Variants in NHSL2 observed in about 807,000 individuals in gnomAD.
The protein encoded by NHSL2 is NHS-like protein 2.
A neutral mutation model predicts 53.4 loss-of-function variants in NHSL2; 27 were observed. The observed-to-expected ratio is 0.51, with a 90% CI of 0.37 to 0.70. The LOEUF (loss-of-function observed/expected upper bound fraction) is 0.70, where lower values mean the gene tolerates loss of function less well. Among genes scored for constraint, NHSL2 ranks in the 30% least tolerant of loss-of-function variants. The probability of loss-of-function intolerance (pLI) is 0.00; values close to 1 mark genes in which losing one functional copy is unlikely to be tolerated. For synonymous variants in NHSL2, 408 were observed against 404.1 expected, an observed-to-expected ratio of 1.01 and a Z score of -0.12; for missense variants, 892 against 980.1, an observed-to-expected ratio of 0.91 and a Z score of 1.20.
In NHSL2 at chrX:72,143,475, C is replaced by T. The variant is rs1343967071; in HGVS notation, c.3579C>T (p.Pro1193=). 1.7e-6 allele frequency: 2 copies of T among 1,166,027 alleles called. No homozygotes were observed. The highest frequency in any genetic ancestry group is 1.9e-5 in the South Asian group (1 of 52,701). ...KGSKATPRSR[P]SAAELLKTTN... ...GTAAGGCAACTCCAAGGTCTCGTCCCTCAGCAGCTGAACTTCTGAAGACCA... is the reference window on the plus strand; with the variant it reads ...GTAAGGCAACTCCAAGGTCTCGTCCTTCAGCAGCTGAACTTCTGAAGACCA... Residue 1193 remains proline, a synonymous_variant, in exon 8 of 8, where the codon CCC becomes CCT. Coordinates refer to ENST00000633930, the MANE Select transcript of NHSL2 (RefSeq NM_001013627.3).
chrX:72,025,977 A>C (rs1022964419), intron 1 of NHSL2, among the ~76,000 whole-genome samples: 1 of 112,479 alleles, frequency 8.9e-6, no homozygotes, highest in African/African-American at 3.2e-5. Flanking sequence ...GATTCAGTGA[A>C]GTAATACACA....
intron 1 of NHSL2, among the ~76,000 whole-genome samples, chrX:72,013,247 A>G (rs1159972451): frequency 8.9e-6 from 1 of 112,005 alleles, no homozygotes; most frequent in Non-Finnish European, 1.9e-5. Context: ...TATAAGCGCT[A>G]TACATATCTT....
Position 72,147,987 on chromosome X carries a change from A to C in NHSL2, c.*4413A>C, listed in dbSNP as rs1001221768. 1 of 111,812 alleles carries C rather than the reference A, an allele frequency of 8.9e-6. No homozygotes were observed. The highest frequency in any genetic ancestry group is 1.9e-5 in the Non-Finnish European group (1 of 53,206). 9.2% of individuals were successfully genotyped at this position (111,812 alleles called of 1,213,427 possible). A position where few individuals can be genotyped will look rare whatever the true frequency, so the allele number is the denominator to read the frequency against. On this transcript the variant is annotated 3_prime_UTR_variant, in exon 8 of 8. Transcript: ENST00000633930. ...CAAATTCCCTGACGCCTAACTCCAG[A>C]ATATAGAAAATATCTTAATCGCCTG...
At chrX:72,020,188 AT>A (rs2042153535) in intron 1 of NHSL2, among the ~76,000 whole-genome samples, 2 of 112,708 alleles carry the variant, frequency 1.8e-5, no homozygotes, top group East Asian at 5.6e-4. Flanking sequence ...ACTCTCCGTA[AT>A]TTCACTACCT....
At chrX:72,085,081 T>C (rs1197718861) in intron 1 of NHSL2, among the ~76,000 whole-genome samples, 1 of 111,781 alleles carries the variant, frequency 8.9e-6, no homozygotes. Context: ...TTATGACCCT[T>C]CTAACAACCC....
At position 72,151,524 on chromosome X, in the gene NHSL2, A is replaced by G. The variant is rs1157159453; in HGVS notation, c.*7950A>G. ...ACAGGAGCAGGTGGAGGGGGGCTGC[A>G]TATGCCAACCATTACTCTTCAATAG... On this transcript the variant is annotated 3_prime_UTR_variant, in exon 8 of 8. Transcript: ENST00000633930. 1 of 111,891 alleles carries G rather than the reference A, an allele frequency of 8.9e-6. No individual in the cohort carries two copies. The highest frequency in any genetic ancestry group is 1.9e-5 in the Non-Finnish European group (1 of 53,183). 9.2% of individuals were successfully genotyped at this position (111,891 alleles called of 1,213,427 possible). A position where few individuals can be genotyped will look rare whatever the true frequency, so the allele number is the denominator to read the frequency against.
Position 72,143,442 on chromosome X carries a change from G to A in NHSL2, c.3546G>A (p.Lys1182=). Residue 1182 remains lysine (K), a synonymous_variant, in exon 8 of 8, where the codon AAG becomes AAA. Transcript: ENST00000633930. ...RNDDFKALLQ[K]KGSKATPRSR... ...ACGATTTCAAGGCCTTGCTACAGAAGAAGGGAAGTAAGGCAACTCCAAGGT... is the reference window on the plus strand; with the variant it reads ...ACGATTTCAAGGCCTTGCTACAGAAAAAGGGAAGTAAGGCAACTCCAAGGT... 2 of 1,167,285 alleles carry A rather than the reference G, an allele frequency of 1.7e-6. No individual in the cohort carries two copies. The highest frequency in any genetic ancestry group is 1.9e-5 in the South Asian group (1 of 52,726).
chrX:71,936,977 T>C (rs2041741819), intron 1 of NHSL2, among the ~76,000 whole-genome samples: 1 of 111,692 alleles, frequency 9.0e-6, no homozygotes, highest in South Asian at 3.8e-4. Flanking sequence ...AGTATTATTG[T>C]TCCTATTTTA....
In NHSL2 at chrX:72,045,881, T is replaced by C. The variant is rs1004489071; in HGVS notation, c.281-86198T>C. On this transcript the variant is annotated intron_variant, in intron 1 of 7. Coordinates refer to ENST00000633930, the MANE Select transcript of NHSL2 (RefSeq NM_001013627.3). ...TAAAAGTCTGCCAAACTGCTTTCAT[T>C]TTTCTGATATGACTGAGAACTTCCC... is the stretch of plus-strand genomic sequence containing the variant. 4.5e-5 allele frequency among the ~76,000 whole-genome samples: 5 copies of C among 112,321 alleles called. No homozygotes were observed. The East Asian group carries it at 1.4e-3, about 32-fold the overall frequency.
chrX:72,064,442 C>T (rs1381841967), intron 1 of NHSL2, among the ~76,000 whole-genome samples: 1 of 112,000 alleles, frequency 8.9e-6, no homozygotes, highest in Non-Finnish European at 1.9e-5. Flanking sequence ...ATTTTTTTAT[C>T]TAATGTCTGT....
At chrX:72,003,312 G>A (rs1196767909) in intron 1 of NHSL2, among the ~76,000 whole-genome samples, 2 of 111,354 alleles carry the variant, frequency 1.8e-5, no homozygotes, top group African/African-American at 3.3e-5. Context: ...TCACTCTGGA[G>A]CTTTCACCTG....
Position 72,139,909 on chromosome X carries a change from TATCTCC to T in NHSL2, c.2365_2370del (p.Ser789_Ile790del). ...CCAACCTGGATCTGTCTGGGATGAG[TATCTCC>T]ATCCGAAGCAAAACTAAGGTGAGTC... is the stretch of plus-strand genomic sequence containing the variant. On this transcript the variant is annotated inframe_deletion, in exon 6 of 8. Coordinates refer to ENST00000633930, the MANE Select transcript of NHSL2 (RefSeq NM_001013627.3). The T allele has an allele frequency of 8.3e-7, 1 of 1,210,791 alleles. No homozygotes were observed. Among genetic ancestry groups the T allele is most frequent in the Non-Finnish European group, 1.1e-6 (1 of 894,876 alleles).
rs1055523527 is a variant in NHSL2, at chrX:72,149,694, G to A, written c.*6120G>A. The A allele has an allele frequency of 8.9e-6, 1 of 112,060 alleles. No individual in the cohort carries two copies. The highest frequency in any genetic ancestry group is 3.2e-5 in the African/African-American group (1 of 30,846). 9.2% of individuals were successfully genotyped at this position (112,060 alleles called of 1,213,427 possible). A position where few individuals can be genotyped will look rare whatever the true frequency, so the allele number is the denominator to read the frequency against. On this transcript the variant is annotated 3_prime_UTR_variant, in exon 8 of 8. Coordinates refer to ENST00000633930, the MANE Select transcript of NHSL2 (RefSeq NM_001013627.3). ...TGAGATATATTTACCCTGGCTAGTG[G>A]TTAAAGTTTTATTCTTTTTATTATA...
chrX:71,921,917 G>A (rs1249904260), intron 1 of NHSL2, among the ~76,000 whole-genome samples: 2 of 111,846 alleles, frequency 1.8e-5, no homozygotes, highest in Non-Finnish European at 3.8e-5. Flanking sequence ...TTAATAATAC[G>A]GCATAAGAGT....
intron 1 of NHSL2, among the ~76,000 whole-genome samples, chrX:71,911,911 C>G (rs2041605471): frequency 8.9e-6 from 1 of 111,985 alleles, no homozygotes; most frequent in South Asian, 3.8e-4. Context: ...GGACGCGGCT[C>G]CCACTCACAG....
chrX:71,969,249 TA>T (rs2041914149), intron 1 of NHSL2, among the ~76,000 whole-genome samples: 1 of 111,520 alleles, frequency 9.0e-6, no homozygotes, highest in Non-Finnish European at 1.9e-5. Context: ...CTTCTTTTGT[TA>T]AATTTATCCC....
intron 1 of NHSL2, among the ~76,000 whole-genome samples, chrX:71,920,586 C>T (rs34894867): frequency 0.13 from 14,433 of 110,841 alleles, 1,214 homozygotes; most frequent in African/African-American, 0.29. Flanking sequence ...GTGATTCTAC[C>T]GTGCAGCTTA....
intron 1 of NHSL2, among the ~76,000 whole-genome samples, chrX:72,098,244 A>G (rs1419158186): frequency 1.8e-5 from 2 of 111,815 alleles, no homozygotes; most frequent in Non-Finnish European, 3.8e-5. Flanking sequence ...GGAGAGAGGA[A>G]AGAGAAGGTT....
rs1184823949 is a variant in NHSL2, at chrX:72,132,216, C to T, written c.418C>T (p.Leu140Phe). 8.6e-7 allele frequency: 1 copy of T among 1,160,438 alleles called. No individual in the cohort carries two copies. Among genetic ancestry groups the T allele is most frequent in the East Asian group, 3.3e-5 (1 of 30,071 alleles). The change falls in exon 2 of 8, where the codon CTC becomes TTC. Residue 140 changes from leucine to phenylalanine, a missense_variant. Coordinates refer to ENST00000633930, the MANE Select transcript of NHSL2 (RefSeq NM_001013627.3). ...EELLREAQLN[L>F]QSLLQEEYEE... ...GCTGCTTCGGGAGGCGCAGCTCAAT[C>T]TCCAGAGCCTGTTGCAAGGTACCGA...
Sources: allele counts gnomAD v4.1 joint callset (sites outside exome capture counted in the v4.1 genomes callset), GRCh38; gene constraint gnomAD v4.1.1; transcripts MANE v1.5; gene names NCBI Gene and HGNC (gene_info 2026-07-23, HGNC 2026-07-21).